Variants in PCDHA3 observed in about 807,000 individuals in gnomAD.
PCDHA3 encodes protocadherin alpha-3.
PCDHA3 carries 41 observed loss-of-function variants against 62.2 expected under a neutral mutation model. The ratio of observed to expected loss-of-function variants is 0.66; its 90% CI spans 0.51 to 0.86. The LOEUF is 0.86. PCDHA3 is among the 40% of genes least tolerant of loss of function. The pLI, the probability that PCDHA3 is intolerant of heterozygous loss-of-function variation, is 0.00. For missense variants in PCDHA3, 1,304 were observed against 1,241.2 expected, an observed-to-expected ratio of 1.05 and a Z score of -0.76; for synonymous variants, 640 against 555.4, an observed-to-expected ratio of 1.15 and a Z score of -2.14.
chr5:140,841,620 C>T lies in PCDHA3; in HGVS notation c.2394+38029C>T, dbSNP rs1777377321. 2.5e-6 allele frequency: 4 copies of T among 1,613,982 alleles called. No individual in the cohort carries two copies. The highest frequency in any genetic ancestry group is 3.4e-6 in the Non-Finnish European group (4 of 1,180,020). ...CGCGAGGAGCTGTGCGGGCGGAGCG[C>T]GGAGTGCAGCATCCACCTGGAGGTG... On this transcript the variant is annotated intron_variant, in intron 1 of 3. Transcript: ENST00000522353.
At chr5:140,941,202 C>CTTTCTTT (rs1554213921) in intron 1 of PCDHA3, among the ~76,000 whole-genome samples, 7,232 of 122,704 alleles carry the variant, frequency 0.059, 419 homozygotes, top group East Asian at 0.13. Flanking sequence ...TTTCTTTCTT[C>CTTTCTTT]CTTTCTTTCT....
At chr5:140,906,933 G>A (rs1214323970) in intron 1 of PCDHA3, among the ~76,000 whole-genome samples, 2 of 152,158 alleles carry the variant, frequency 1.3e-5, no homozygotes, top group African/African-American at 4.8e-5. Flanking sequence ...GTGTCCCGGT[G>A]TCAATCTTAA....
intron 3 of PCDHA3, among the ~76,000 whole-genome samples, chr5:141,005,530 C>T (rs920110529): frequency 1.3e-5 from 2 of 151,002 alleles, no homozygotes; most frequent in Non-Finnish European, 3.0e-5. Context: ...GGTGAAACCC[C>T]GTCTCTACTA....
intron 1 of PCDHA3, among the ~76,000 whole-genome samples, chr5:140,819,103 C>T (rs1554127603): frequency 1.3e-5 from 2 of 152,186 alleles, no homozygotes; most frequent in Admixed American, 6.5e-5. Flanking sequence ...ATTATATGCT[C>T]ATGGTATCCT....
intron 1 of PCDHA3, chr5:140,857,163 G>A: frequency 1.3e-6 from 2 of 1,598,406 alleles, no homozygotes; most frequent in Non-Finnish European, 1.7e-6. Flanking sequence ...GCCCTAATCA[G>A]CGTTTCTGAC....
chr5:140,994,412 G>C (rs1412198813), intron 3 of PCDHA3, among the ~76,000 whole-genome samples: 1 of 152,068 alleles, frequency 6.6e-6, no homozygotes, highest in Non-Finnish European at 1.5e-5. Flanking sequence ...ATTTAATACT[G>C]GATATTGAGG....
intron 1 of PCDHA3, chr5:140,929,001 G>A (rs782325865): frequency 6.2e-7 from 1 of 1,613,996 alleles, no homozygotes; most frequent in East Asian, 2.2e-5. Context: ...TTTTCTTCGT[G>A]TGTACCAAGT....
chr5:140,888,271 T>A (rs1466153758), intron 1 of PCDHA3, among the ~76,000 whole-genome samples: 2 of 152,068 alleles, frequency 1.3e-5, no homozygotes, highest in African/African-American at 4.8e-5. Context: ...TAAGAAACAG[T>A]TTTGTCCCCT....
intron 1 of PCDHA3, among the ~76,000 whole-genome samples, chr5:140,879,771 G>A (rs1413027496): frequency 6.6e-6 from 1 of 152,156 alleles, no homozygotes; most frequent in Admixed American, 6.5e-5. Flanking sequence ...GGAGGCCCCA[G>A]GGAAGAATCT....
At chr5:140,877,839 A>G (rs2057367244) in intron 1 of PCDHA3, 12 of 1,582,068 alleles carry the variant, frequency 7.6e-6, no homozygotes, top group Non-Finnish European at 9.4e-6. Flanking sequence ...CTCCCAGTGA[A>G]GTAAGTTATT....
At chr5:140,988,571 C>T (rs1438476188) in intron 3 of PCDHA3, among the ~76,000 whole-genome samples, 7 of 152,168 alleles carry the variant, frequency 4.6e-5, no homozygotes, top group Non-Finnish European at 1.0e-4. Flanking sequence ...TGGGAAAACA[C>T]TCTGTACCTT....
rs1554140048 is a variant in PCDHA3, at chr5:140,843,414, T to G, written c.2394+39823T>G. 6 of 1,596,080 alleles carry G rather than the reference T, an allele frequency of 3.8e-6. 1 individual carries two copies. Among genetic ancestry groups the G allele is most frequent in the South Asian group, 1.1e-5 (1 of 90,504 alleles). On this transcript the variant is annotated intron_variant, in intron 1 of 3. Coordinates refer to ENST00000522353, the MANE Select transcript of PCDHA3 (RefSeq NM_018906.3). The stretch of plus-strand genomic sequence containing the variant: ...GAAGCGGCGCTGGTGGATGTCAACG[T>G]GTACCTGATCATCGCCATCTGCGCG...
intron 1 of PCDHA3, chr5:140,822,569 C>A: frequency 1.9e-6 from 3 of 1,612,930 alleles, no homozygotes; most frequent in Non-Finnish European, 2.5e-6. Context: ...AAACTGAACG[C>A]CTCAGATGCA....
At chr5:140,814,647 CCAA>C (rs1365863768) in intron 1 of PCDHA3, 1 of 151,984 alleles carries the variant, frequency 6.6e-6, no homozygotes, top group Non-Finnish European at 1.5e-5. Context: ...TTTGTTTACA[CCAA>C]CATCACCACA....
chr5:140,841,839 G>T, intron 1 of PCDHA3: 1 of 1,613,898 alleles, frequency 6.2e-7, no homozygotes, highest in South Asian at 1.1e-5. Context: ...TACAGGCTTA[G>T]CTCTCATGAT....
At position 140,876,889 on chromosome 5, in the gene PCDHA3, C is replaced by G. The variant is rs1409299527; in HGVS notation, c.2394+73298C>G. On this transcript the variant is annotated intron_variant, in intron 1 of 3. Coordinates refer to ENST00000522353, the MANE Select transcript of PCDHA3 (RefSeq NM_018906.3). ...GAAGGAGAACAACCCGCCGGGCTGC[C>G]ACATCTTCACGGTGTCGGCATGGGA... 3.1e-6 allele frequency: 5 copies of G among 1,613,996 alleles called. No homozygotes were observed. In the African/African-American group the frequency reaches 6.7e-5, roughly 22 times the overall value.
chr5:140,859,677 A>G (rs942745951), intron 1 of PCDHA3: 1 of 154,782 alleles, frequency 6.5e-6, no homozygotes, highest in South Asian at 2.0e-4. Context: ...GCTTCAAATA[A>G]AATTAAAATT....
intron 3 of PCDHA3, among the ~76,000 whole-genome samples, chr5:141,006,727 G>A (rs2098285106): frequency 6.6e-6 from 1 of 152,080 alleles, no homozygotes. Context: ...AGAAATGACA[G>A]GTCTTGATGA....
chr5:140,927,838 G>C, intron 1 of PCDHA3: 1 of 1,614,210 alleles, frequency 6.2e-7, no homozygotes, highest in Non-Finnish European at 8.5e-7. Context: ...GAGGGACGAA[G>C]GTGTCTTTGG....
Sources: allele counts gnomAD v4.1 joint callset (sites outside exome capture counted in the v4.1 genomes callset), GRCh38; gene constraint gnomAD v4.1.1; transcripts MANE v1.5; gene names NCBI Gene and HGNC (gene_info 2026-07-23, HGNC 2026-07-21).